Variants in LRMDA observed in about 807,000 individuals in gnomAD.
LRMDA encodes leucine-rich melanocyte differentiation-associated protein.
LRMDA carries 18 observed loss-of-function variants against 29.8 expected under a neutral mutation model. That is an observed-to-expected ratio of 0.60 (90% confidence interval 0.42 to 0.90). LRMDA has a LOEUF of 0.90. Among genes scored for constraint, LRMDA ranks in the 40% least tolerant of loss-of-function variants. The probability of loss-of-function intolerance (pLI) is 0.00; values close to 1 mark genes in which losing one functional copy is unlikely to be tolerated. For synonymous variants in LRMDA, 125 were observed against 109.4 expected (o/e 1.14, Z -0.89); for missense variants, 273 against 273.9 (o/e 1.00, Z 0.02).
intron 6 of LRMDA, among the ~76,000 whole-genome samples, chr10:76,504,108 G>C (rs1842937464): frequency 6.6e-6 from 1 of 151,864 alleles, no homozygotes; most frequent in African/African-American, 2.4e-5. Context: ...TGAGGAGCAA[G>C]TTGTTTAATT....
chr10:76,431,072 A>G (rs995227085), intron 6 of LRMDA, among the ~76,000 whole-genome samples: 1 of 152,208 alleles, frequency 6.6e-6, no homozygotes, highest in Non-Finnish European at 1.5e-5. Flanking sequence ...TTATCTCTAC[A>G]GTTCAAGGCT....
At chr10:75,741,444 A>T (rs946002200) in intron 2 of LRMDA, among the ~76,000 whole-genome samples, 2 of 152,112 alleles carry the variant, frequency 1.3e-5, no homozygotes, top group South Asian at 2.1e-4. Context: ...TTTAAAAAAA[A>T]AAAAGGCTCA....
rs560659793 is a variant in LRMDA at position 76,142,636 on chromosome 10, C to G, written c.516+83853C>G. ...ATGCTGTATAATATTCCATCATATT[C>G]AAGTGCAACAGTTTATTCTCCAGAA... On this transcript the variant is annotated intron_variant, in intron 5 of 6. Transcript: ENST00000611255. Among the ~76,000 whole-genome samples, 4 of 151,604 alleles carry G rather than the reference C, an allele frequency of 2.6e-5. No homozygotes were observed. In the South Asian group the frequency reaches 6.3e-4, roughly 24 times the overall value.
intron 2 of LRMDA, among the ~76,000 whole-genome samples, chr10:76,034,857 AG>A (rs1848214176): frequency 6.6e-6 from 1 of 152,122 alleles, no homozygotes; most frequent in Non-Finnish European, 1.5e-5. Context: ...CTCAGCTGTC[AG>A]CCGGTGCAGG....
At chr10:76,463,783 G>T (rs148364758) in intron 6 of LRMDA, among the ~76,000 whole-genome samples, 1 of 152,200 alleles carries the variant, frequency 6.6e-6, no homozygotes, top group Non-Finnish European at 1.5e-5. Context: ...CTATGAGTTT[G>T]TCCGCTTGTG....
intron 2 of LRMDA, among the ~76,000 whole-genome samples, chr10:75,594,958 G>T (rs1002804852): frequency 2.6e-5 from 4 of 152,040 alleles, no homozygotes; most frequent in African/African-American, 4.8e-5. Flanking sequence ...GATGAAAAAG[G>T]CTGATTTAGT....
intron 2 of LRMDA, among the ~76,000 whole-genome samples, chr10:75,677,481 A>T (rs967566151): frequency 6.6e-6 from 1 of 152,176 alleles, no homozygotes; most frequent in Non-Finnish European, 1.5e-5. Context: ...TCATTTTTTA[A>T]AAAAGCTACA....
At chr10:76,106,605 T>G (rs1849489472) in intron 5 of LRMDA, among the ~76,000 whole-genome samples, 1 of 152,228 alleles carries the variant, frequency 6.6e-6, no homozygotes, top group African/African-American at 2.4e-5. Context: ...TGACAGGGGT[T>G]ATTTTTTCTC....
At chr10:75,567,901 G>A (rs1840392899) in intron 2 of LRMDA, among the ~76,000 whole-genome samples, 1 of 152,178 alleles carries the variant, frequency 6.6e-6, no homozygotes, top group Non-Finnish European at 1.5e-5. Context: ...GGTGATGTAT[G>A]AGAAAACATG....
At chr10:76,313,479 GA>G (rs1840655199) in intron 5 of LRMDA, among the ~76,000 whole-genome samples, 1 of 152,166 alleles carries the variant, frequency 6.6e-6, no homozygotes, top group African/African-American at 2.4e-5. Context: ...ACAGAAAACA[GA>G]GAGTTAAACA....
Position 75,750,281 on chromosome 10 carries a change from G to A in LRMDA, c.132-285727G>A, listed in dbSNP as rs566244399. ...TGCCCACCTCCCTCCCCGCCGGGGC[G>A]GCTGGCCGGGCAGGGGCTGCCCCCC... On this transcript the variant is annotated intron_variant, in intron 2 of 6. Transcript: ENST00000611255. 1.7e-4 allele frequency among the ~76,000 whole-genome samples: 25 copies of A among 151,510 alleles called. No homozygotes were observed. In the South Asian group the frequency reaches 4.4e-3, roughly 26 times the overall value.
intron 5 of LRMDA, among the ~76,000 whole-genome samples, chr10:76,255,596 A>G (rs1852579299): frequency 6.6e-6 from 1 of 152,242 alleles, no homozygotes; most frequent in Non-Finnish European, 1.5e-5. Context: ...AAGCTAGGAA[A>G]GTATATCTTT....
chr10:75,565,080 G>T (rs1840352839), intron 2 of LRMDA, among the ~76,000 whole-genome samples: 1 of 152,134 alleles, frequency 6.6e-6, no homozygotes, highest in African/African-American at 2.4e-5. Flanking sequence ...CCAAGGAATG[G>T]AAATAGTCCA....
intron 4 of LRMDA, among the ~76,000 whole-genome samples, chr10:76,054,913 A>T (rs1013932642): frequency 1.3e-5 from 2 of 151,508 alleles, no homozygotes; most frequent in Non-Finnish European, 2.9e-5. Flanking sequence ...AAAATACAAA[A>T]ATAAGCCAGG....
chr10:75,953,109 GT>G (rs1846605516), intron 2 of LRMDA, among the ~76,000 whole-genome samples: 1 of 152,014 alleles, frequency 6.6e-6, no homozygotes, highest in South Asian at 2.1e-4. Context: ...GTCTCGTTCT[GT>G]TGTTCAGGCT....
intron 2 of LRMDA, among the ~76,000 whole-genome samples, chr10:75,872,730 A>C (rs1025869413): frequency 2.0e-5 from 3 of 152,118 alleles, no homozygotes. Flanking sequence ...ACCTATAAAA[A>C]TTCTATTCTT....
chr10:75,875,632 A>G (rs760737894), intron 2 of LRMDA, among the ~76,000 whole-genome samples: 5 of 152,136 alleles, frequency 3.3e-5, no homozygotes, highest in Admixed American at 6.5e-5. Flanking sequence ...GGGTTTCACT[A>G]TGTTGGTCAG....
At chr10:76,430,490 C>T (rs1215207250) in intron 6 of LRMDA, among the ~76,000 whole-genome samples, 1 of 152,074 alleles carries the variant, frequency 6.6e-6, no homozygotes, top group Non-Finnish European at 1.5e-5. Context: ...ATAGTATTAA[C>T]CTTGTGATTT....
At chr10:75,584,341 G>A (rs1840631724) in intron 2 of LRMDA, among the ~76,000 whole-genome samples, 2 of 152,008 alleles carry the variant, frequency 1.3e-5, no homozygotes, top group Non-Finnish European at 2.9e-5. Context: ...ACTGGCTTAC[G>A]TGTTCCTCTC....
Sources: gnomAD v4.1 joint callset for allele counts (sites outside exome capture counted in the v4.1 genomes callset) on GRCh38, gnomAD v4.1.1 for gene constraint, MANE v1.5 for transcripts, NCBI Gene and HGNC (gene_info 2026-07-23, HGNC 2026-07-21) for gene names.